Variants in KIRREL3 observed in about 807,000 individuals in gnomAD.
The protein encoded by KIRREL3 is kin of IRRE-like protein 3.
A neutral mutation model predicts 89.7 loss-of-function variants in KIRREL3; 36 were observed. The ratio of observed to expected loss-of-function variants is 0.40; its 90% confidence interval spans 0.31 to 0.53. The LOEUF (loss-of-function observed/expected upper bound fraction) is 0.53. Ranked by LOEUF, KIRREL3 falls within the 20% of genes least tolerant of loss-of-function variation. The pLI is 0.49. For synonymous variants in KIRREL3, 445 were observed against 441.4 expected (o/e 1.01, Z -0.10); for missense variants, 864 against 1,056.6 (o/e 0.82, Z 2.53).
rs1944918525 is a variant in KIRREL3 at position 126,651,848 on chromosome 11, AG to A, written c.56-88937del. 6.6e-6 allele frequency among the ~76,000 whole-genome samples: 1 copy of A among 152,222 alleles called. No homozygotes were observed. The highest frequency in any genetic ancestry group is 6.5e-5 in the Admixed American group (1 of 15,286). On this transcript the variant is annotated intron_variant, in intron 1 of 16. Transcript: ENST00000525144. This position sits in a 1 kb window ranked among gnomAD's most constrained non-coding sequence, Gnocchi z 4.6. ...TTGGAGACAGCATTAATTGTGATGA[AG>A]GGTTCATAAAGCAGTGGATGTTCAA...
chr11:126,488,789 C>A (rs1301160496), intron 4 of KIRREL3, among the ~76,000 whole-genome samples: 1 of 152,180 alleles, frequency 6.6e-6, no homozygotes, highest in African/African-American at 2.4e-5. Flanking sequence ...CACAGGGGAT[C>A]CCCCCAAAAT....
rs566475742 is a variant in KIRREL3, at chr11:126,535,080, G to A, written c.134-8393C>T. Among the ~76,000 whole-genome samples, 11 of 152,178 alleles carry A rather than the reference G, an allele frequency of 7.2e-5. No individual in the cohort carries two copies. The South Asian group carries it at 2.3e-3, about 32-fold the overall frequency. ...GAGGTGGAGCATTTGGTGGCCTTTT[G>A]GGGGCTCTGGTTATGGGGCAGAGCT... On this transcript the variant is annotated intron_variant, in intron 2 of 16. Coordinates refer to ENST00000525144, the MANE Select transcript of KIRREL3 (RefSeq NM_032531.4). This position sits in a 1 kb window ranked among gnomAD's most constrained non-coding sequence, Gnocchi z 4.5.
chr11:126,572,063 C>T (rs1016232951), intron 1 of KIRREL3, among the ~76,000 whole-genome samples: 1 of 152,238 alleles, frequency 6.6e-6, no homozygotes, highest in African/African-American at 2.4e-5. Flanking sequence ...TGCTCGACAG[C>T]TATGTGTCCT....
intron 1 of KIRREL3, among the ~76,000 whole-genome samples, chr11:126,661,894 G>A (rs1290194767): frequency 1.3e-5 from 2 of 152,126 alleles, no homozygotes; most frequent in Non-Finnish European, 2.9e-5. Context: ...AGGAGGCTCT[G>A]GCTCAGTTCA....
chr11:126,633,634 A>C (rs2134895423), intron 1 of KIRREL3, among the ~76,000 whole-genome samples: 1 of 152,298 alleles, frequency 6.6e-6, no homozygotes, highest in East Asian at 1.9e-4. Flanking sequence ...CCTCACCAAA[A>C]GAAAATGCTG....
Position 126,769,380 on chromosome 11 carries a change from A to G in KIRREL3, c.56-206468T>C, listed in dbSNP as rs1047196573. Among the ~76,000 whole-genome samples the G allele has an allele frequency of 6.6e-6, 1 of 152,220 alleles. No individual in the cohort carries two copies. The highest frequency in any genetic ancestry group is 1.5e-5 in the Non-Finnish European group (1 of 68,044). ...AATTTTGGTGATAAAGAGAGGCCAGAGTCTCACAAATCCTGCAATATCTGT... is the reference window on the plus strand; with the variant it reads ...AATTTTGGTGATAAAGAGAGGCCAGGGTCTCACAAATCCTGCAATATCTGT... On this transcript the variant is annotated intron_variant, in intron 1 of 16. Coordinates refer to ENST00000525144, the MANE Select transcript of KIRREL3 (RefSeq NM_032531.4). The surrounding 1 kb of genome is among the most constrained non-coding windows in gnomAD (Gnocchi z 4.3).
At chr11:126,444,585 T>G (rs1955715530) in intron 10 of KIRREL3, among the ~76,000 whole-genome samples, 1 of 152,090 alleles carries the variant, frequency 6.6e-6, no homozygotes, top group African/African-American at 2.4e-5. Context: ...AGAGCGAGAC[T>G]CCATCTCAAA....
In KIRREL3 at chr11:126,623,041, C is replaced by T. The variant is rs1009824652; in HGVS notation, c.56-60129G>A. 3.9e-5 allele frequency among the ~76,000 whole-genome samples: 6 copies of T among 152,142 alleles called. No individual in the cohort carries two copies. The highest frequency in any genetic ancestry group is 1.4e-4 in the African/African-American group (6 of 41,432). On this transcript the variant is annotated intron_variant, in intron 1 of 16. Coordinates refer to ENST00000525144, the MANE Select transcript of KIRREL3 (RefSeq NM_032531.4). The surrounding 1 kb of genome is among the most constrained non-coding windows in gnomAD (Gnocchi z 4.1). ...CTCAGAACCTAGACTCTTAATTACA[C>T]TAATATGATATTTACAATTTACAAA...
chr11:126,929,685 G>A (rs2135045453), intron 1 of KIRREL3, among the ~76,000 whole-genome samples: 1 of 152,272 alleles, frequency 6.6e-6, no homozygotes, highest in South Asian at 2.1e-4. Context: ...CCCAGGCCTA[G>A]AAACCAAAAA....
At chr11:126,901,192 T>A (rs1592314660) in intron 1 of KIRREL3, among the ~76,000 whole-genome samples, 2 of 118,228 alleles carry the variant, frequency 1.7e-5, no homozygotes, top group African/African-American at 3.4e-5. Flanking sequence ...TCAGCCTGGG[T>A]AACAGAGCGA....
At chr11:126,543,698 C>A (rs2134502324) in intron 2 of KIRREL3, among the ~76,000 whole-genome samples, 2 of 152,294 alleles carry the variant, frequency 1.3e-5, no homozygotes, top group South Asian at 4.2e-4. Flanking sequence ...ACCACGGAAA[C>A]CTCTCCCATG....
chr11:126,536,386 C>G (rs1937878967), intron 2 of KIRREL3, among the ~76,000 whole-genome samples: 1 of 152,118 alleles, frequency 6.6e-6, no homozygotes, highest in Admixed American at 6.5e-5. Context: ...AACTGCCAAC[C>G]CTAAATCTTC....
intron 1 of KIRREL3, among the ~76,000 whole-genome samples, chr11:126,856,726 C>T (rs1035719835): frequency 3.3e-5 from 5 of 151,976 alleles, no homozygotes; most frequent in African/African-American, 9.6e-5. Context: ...GGCCATTCTC[C>T]TGCCTCAGCC....
Position 126,993,257 on chromosome 11 carries a change from C to T in KIRREL3, c.55+7198G>A, listed in dbSNP as rs2135283671. Among the ~76,000 whole-genome samples, 1 of 152,258 alleles carries T rather than the reference C, an allele frequency of 6.6e-6. No individual in the cohort carries two copies. Among genetic ancestry groups the T allele is most frequent in the Admixed American group, 6.5e-5 (1 of 15,306 alleles). On this transcript the variant is annotated intron_variant, in intron 1 of 16. Coordinates refer to ENST00000525144, the MANE Select transcript of KIRREL3 (RefSeq NM_032531.4). This position sits in a 1 kb window ranked among gnomAD's most constrained non-coding sequence, Gnocchi z 6.1. Reference sequence around the variant, plus strand: ...CATCCTCAAAAGATGTATAATGGCACCCATGGCCATTCACGAGTTGACTCT... The same window carrying T: ...CATCCTCAAAAGATGTATAATGGCATCCATGGCCATTCACGAGTTGACTCT...
At chr11:126,887,848 CAT>C (rs1945759498) in intron 1 of KIRREL3, among the ~76,000 whole-genome samples, 1 of 152,188 alleles carries the variant, frequency 6.6e-6, no homozygotes, top group South Asian at 2.1e-4. Flanking sequence ...ATCAGTTAAA[CAT>C]AGGTGAGGTC....
At chr11:126,749,407 C>T (rs1312606259) in intron 1 of KIRREL3, among the ~76,000 whole-genome samples, 3 of 152,084 alleles carry the variant, frequency 2.0e-5, no homozygotes, top group Non-Finnish European at 4.4e-5. Flanking sequence ...TTCAAGTTAC[C>T]CCATTCCTCG....
chr11:126,715,159 C>T lies in KIRREL3; in HGVS notation c.56-152247G>A, dbSNP rs935481270. On this transcript the variant is annotated intron_variant, in intron 1 of 16. Transcript: ENST00000525144. This position sits in a 1 kb window ranked among gnomAD's most constrained non-coding sequence, Gnocchi z 4.4. ...ACTAATAGAGTCTCTGTTTTGCCAC[C>T]GGATAATTGTTTATTTCCTCTTTCA... Among the ~76,000 whole-genome samples the T allele has an allele frequency of 4.6e-5, 7 of 152,190 alleles. No homozygotes were observed. Among genetic ancestry groups the T allele is most frequent in the African/African-American group, 1.2e-4 (5 of 41,446 alleles).
rs1031108764 is a variant in KIRREL3, at chr11:126,974,331, G to A, written c.55+26124C>T. Among the ~76,000 whole-genome samples the A allele has an allele frequency of 9.9e-5, 15 of 152,098 alleles. 1 individual carries two copies. Among genetic ancestry groups the A allele is most frequent in the African/African-American group, 2.2e-4 (9 of 41,392 alleles). On this transcript the variant is annotated intron_variant, in intron 1 of 16. Transcript: ENST00000525144. ...GTCATGCATCACTTAACGGAGATAC[G>A]TTCTGAGAAATGCATTGTTAGGGGA...
intron 1 of KIRREL3, among the ~76,000 whole-genome samples, chr11:126,922,068 T>C (rs1278306678): frequency 6.6e-6 from 1 of 151,792 alleles, no homozygotes; most frequent in Non-Finnish European, 1.5e-5. Flanking sequence ...CCATCCATCT[T>C]CCTGTCTTCC....
Sources: gnomAD v4.1 joint callset for allele counts (sites outside exome capture counted in the v4.1 genomes callset) on GRCh38, gnomAD v4.1.1 for gene constraint, Gnocchi (gnomAD v3.1) non-coding constraint, MANE v1.5 for transcripts, NCBI Gene and HGNC (gene_info 2026-07-23, HGNC 2026-07-21) for gene names.